The following MAPK10 variants were observed in gnomAD, a reference collection of about 807,000 sequenced individuals.
MAPK10 encodes JNK3 alpha protein kinase.
MAPK10 carries 25 observed loss-of-function variants against 59.3 expected under a neutral mutation model. That is an observed-to-expected ratio of 0.42 (90% CI 0.31 to 0.59). MAPK10 has a LOEUF of 0.59. Among genes scored for constraint, MAPK10 ranks in the 20% least tolerant of loss-of-function variants. The pLI is 0.15. For missense variants in MAPK10, 351 were observed against 568.9 expected (o/e 0.62, Z 3.90); for synonymous variants, 190 against 200.5 (o/e 0.95, Z 0.44).
chr4:86,092,023 CTT>C (rs1198870394), intron 9 of MAPK10, among the ~76,000 whole-genome samples: 1 of 151,918 alleles, frequency 6.6e-6, no homozygotes, highest in Non-Finnish European at 1.5e-5. Flanking sequence ...TCACAGTTCT[CTT>C]TTTGGTGTGG....
intron 4 of MAPK10, among the ~76,000 whole-genome samples, chr4:86,150,972 T>TG (rs1420298195): frequency 3.9e-5 from 6 of 152,088 alleles, no homozygotes; most frequent in African/African-American, 1.4e-4. Context: ...AAAGAGGGGT[T>TG]GTTTGAGGGG....
At chr4:86,023,262 C>T (rs1022206291) in intron 13 of MAPK10, among the ~76,000 whole-genome samples, 2 of 152,270 alleles carry the variant, frequency 1.3e-5, no homozygotes, top group East Asian at 3.9e-4. Flanking sequence ...GTATTTATTC[C>T]TGGACTCTCA....
chr4:86,166,657 T>A (rs2071831007), intron 3 of MAPK10, among the ~76,000 whole-genome samples: 1 of 152,172 alleles, frequency 6.6e-6, no homozygotes, highest in Non-Finnish European at 1.5e-5. Context: ...TCCTTAGTTT[T>A]CATTTGTGGT....
chr4:86,021,296 A>G (rs1016353477), intron 13 of MAPK10, among the ~76,000 whole-genome samples: 4 of 152,100 alleles, frequency 2.6e-5, no homozygotes, highest in Non-Finnish European at 5.9e-5. Context: ...AGCTAGATAC[A>G]GAGTGTCGAT....
chr4:86,539,986 C>G (rs774939897), intron 1 of MAPK10, among the ~76,000 whole-genome samples: 31 of 152,152 alleles, frequency 2.0e-4, no homozygotes, highest in Admixed American at 8.5e-4. Context: ...CATAGGGTAT[C>G]AAATTGAATG....
chr4:86,028,886 G>A, intron 13 of MAPK10: 1 of 381,138 alleles, frequency 2.6e-6, no homozygotes, highest in Non-Finnish European at 5.0e-6. Context: ...GGTCAAAAGG[G>A]CATTATGGCT....
chr4:86,275,827 C>T (rs1465515275), intron 2 of MAPK10, among the ~76,000 whole-genome samples: 1 of 151,956 alleles, frequency 6.6e-6, no homozygotes, highest in African/African-American at 2.4e-5. Flanking sequence ...AACATTGTTC[C>T]ATCTTATTTA....
intron 2 of MAPK10, among the ~76,000 whole-genome samples, chr4:86,337,611 G>T (rs1722302229): frequency 6.6e-6 from 1 of 152,192 alleles, no homozygotes; most frequent in African/African-American, 2.4e-5. Context: ...AACCTAGGAG[G>T]AGGGACCATG....
rs561137387 is a variant in MAPK10, at chr4:86,588,083, A to G, written c.-263+5827T>C. On this transcript the variant is annotated intron_variant, in intron 1 of 4. Coordinates refer to the MAPK10 transcript ENST00000502302. ...CCTAGAAAAAAGCACAATCACACATACCTGGAATACAGTCTGGGGGCTCCA... is the reference window on the plus strand; with the variant it reads ...CCTAGAAAAAAGCACAATCACACATGCCTGGAATACAGTCTGGGGGCTCCA... Among the ~76,000 whole-genome samples the G allele has an allele frequency of 4.6e-5, 7 of 152,172 alleles. No homozygotes were observed. The South Asian group carries it at 1.5e-3, about 32-fold the overall frequency.
intron 1 of MAPK10, among the ~76,000 whole-genome samples, chr4:86,484,271 T>G (rs1164211599): frequency 6.6e-6 from 1 of 152,232 alleles, no homozygotes; most frequent in Non-Finnish European, 1.5e-5. Flanking sequence ...TCATTCTTAT[T>G]TAACTCCCAT....
At chr4:86,052,896 G>A (rs2043849074) in intron 11 of MAPK10, among the ~76,000 whole-genome samples, 1 of 152,074 alleles carries the variant, frequency 6.6e-6, no homozygotes, top group Non-Finnish European at 1.5e-5. Flanking sequence ...ATGCTGCCCA[G>A]GCTGGTCTCA....
At chr4:86,160,323 A>G (rs1446350305) in intron 3 of MAPK10, 1 of 151,936 alleles carries the variant, frequency 6.6e-6, no homozygotes, top group Non-Finnish European at 1.5e-5. Context: ...GCTAGAAGGG[A>G]CCTCACAGAA....
intron 2 of MAPK10, chr4:86,332,572 A>T (rs1265351188): frequency 6.6e-6 from 1 of 152,230 alleles, no homozygotes; most frequent in African/African-American, 2.4e-5. Context: ...TTGTGGTTTG[A>T]CACAGCACAG....
At chr4:86,070,915 G>A (rs1441799380) in intron 9 of MAPK10, among the ~76,000 whole-genome samples, 1 of 152,034 alleles carries the variant, frequency 6.6e-6, no homozygotes, top group East Asian at 1.9e-4. Flanking sequence ...CCAGTAATGG[G>A]ATGGCTGGGT....
intron 1 of MAPK10, among the ~76,000 whole-genome samples, chr4:86,460,577 A>G (rs1167849711): frequency 6.6e-6 from 1 of 152,228 alleles, no homozygotes; most frequent in Non-Finnish European, 1.5e-5. Context: ...AACTGGCCAT[A>G]AACAAAATAT....
chr4:86,114,135 A>G (rs1164572418), intron 4 of MAPK10, among the ~76,000 whole-genome samples: 1 of 152,290 alleles, frequency 6.6e-6, no homozygotes, highest in East Asian at 1.9e-4. Context: ...CATGGTTCTT[A>G]GCTTCTTTGC....
chr4:86,029,410 C>T (rs1752112698), intron 12 of MAPK10, 136 bp from the exon 13 acceptor site: 1 of 610,446 alleles, frequency 1.6e-6, no homozygotes, highest in Non-Finnish European at 2.9e-6. Context: ...CTTTACTGCT[C>T]TATTTCTATT....
intron 1 of MAPK10, among the ~76,000 whole-genome samples, chr4:86,409,459 G>A (rs1261098856): frequency 1.3e-5 from 2 of 152,112 alleles, no homozygotes; most frequent in Non-Finnish European, 2.9e-5. Context: ...TAGCTTGATG[G>A]GGATAGCATT....
intron 1 of MAPK10, among the ~76,000 whole-genome samples, chr4:86,413,084 T>C (rs1004789729): frequency 6.6e-6 from 1 of 152,152 alleles, no homozygotes; most frequent in Non-Finnish European, 1.5e-5. Flanking sequence ...CAGATGGGGT[T>C]TTGGTGTAGA....
Sources: gnomAD v4.1 joint callset for allele counts (sites outside exome capture counted in the v4.1 genomes callset) on GRCh38, gnomAD v4.1.1 for gene constraint, MANE v1.5 for transcripts, NCBI Gene and HGNC (gene_info 2026-07-23, HGNC 2026-07-21) for gene names.